The following AFAP1L2 variants were observed in gnomAD, a reference collection of about 807,000 sequenced individuals.
AFAP1L2 encodes actin filament associated protein 1 like 2, also known as actin filament-associated protein 1-like 2.
In AFAP1L2, 46 loss-of-function variants were observed where a neutral mutation model predicts 99.3. The ratio of observed to expected loss-of-function variants is 0.46; its 90% CI spans 0.37 to 0.59. The LOEUF (loss-of-function observed/expected upper bound fraction) is 0.59. AFAP1L2 is among the 20% of genes least tolerant of loss of function. The pLI is 0.00. For synonymous variants in AFAP1L2, 397 were observed against 419.1 expected, an observed-to-expected ratio of 0.95 and a Z score of 0.64; for missense variants, 959 against 1,034.9, an observed-to-expected ratio of 0.93 and a Z score of 1.01.
chr10:114,348,350 G>T (rs2049919253), intron 1 of AFAP1L2, among the ~76,000 whole-genome samples: 1 of 152,130 alleles, frequency 6.6e-6, no homozygotes, highest in Non-Finnish European at 1.5e-5. Flanking sequence ...ACCCGAGAAA[G>T]TTTCTTTGTG....
upstream of AFAP1L2, chr10:114,404,587 G>A (rs949438380): frequency 1.5e-6 from 2 of 1,300,300 alleles, no homozygotes; most frequent in South Asian, 1.9e-5. Flanking sequence ...TGGCGGGGCC[G>A]CCGCGCCCAG....
In AFAP1L2 at chr10:114,320,285, C is replaced by A. The variant is rs11196695; in HGVS notation, c.406+2886G>T. On this transcript the variant is annotated intron_variant, in intron 5 of 18. Transcript: ENST00000304129. ...GAGAGAGGGACATGACCCAGGGGAG[C>A]GGTGTGGGGATAGGGCTGATAGAGC... 1.5e-3 allele frequency among the ~76,000 whole-genome samples: 228 copies of A among 152,298 alleles called. 2 individuals are homozygous for A. Among genetic ancestry groups the A allele is most frequent in the African/African-American group, 5.1e-3 (213 of 41,570 alleles).
At chr10:114,286,238 G>C in the AFAP1L2 span, 1 of 1,613,194 alleles carries the variant, frequency 6.2e-7, no homozygotes, top group East Asian at 2.2e-5. Context: ...GGCAGAGCGT[G>C]GCTTCGGGAG....
intron 1 of AFAP1L2, 60 bp from the exon 2 acceptor site, chr10:114,340,791 G>A: frequency 6.2e-7 from 1 of 1,611,394 alleles, no homozygotes; most frequent in Non-Finnish European, 8.5e-7. Context: ...GCCCAGCTCA[G>A]ATACACCTCG....
intron 1 of AFAP1L2, among the ~76,000 whole-genome samples, chr10:114,375,711 C>T (rs1221210078): frequency 1.3e-5 from 2 of 152,298 alleles, no homozygotes; most frequent in Middle Eastern, 3.4e-3. Flanking sequence ...TCATAGCTCA[C>T]ACCTGTAATT....
intron 7 of AFAP1L2, 133 bp from the exon 8 acceptor site, chr10:114,310,576 G>A: frequency 1.3e-6 from 1 of 798,216 alleles, no homozygotes; most frequent in Non-Finnish European, 1.9e-6. Flanking sequence ...TTCCAAGGAA[G>A]AGGACCCACC....
intron 1 of AFAP1L2, among the ~76,000 whole-genome samples, chr10:114,349,602 A>G (rs1345689967): frequency 6.7e-6 from 1 of 150,046 alleles, no homozygotes; most frequent in Non-Finnish European, 1.5e-5. Flanking sequence ...AAGGGTCAAG[A>G]TGTCTCAAGA....
intron 17 of AFAP1L2, 40 bp downstream of exon 17, chr10:114,297,180 G>A: frequency 6.3e-7 from 1 of 1,592,574 alleles, no homozygotes; most frequent in Non-Finnish European, 8.6e-7. Flanking sequence ...TGTCCAGGGA[G>A]CCCTGCAAGC....
chr10:114,289,372 C>G, the AFAP1L2 span: 1 of 1,614,232 alleles, frequency 6.2e-7, no homozygotes, highest in Non-Finnish European at 8.5e-7. Context: ...GGGCGTGGGG[C>G]CTGTCCTAAG....
chr10:114,329,837 A>T (rs564056351), intron 4 of AFAP1L2, among the ~76,000 whole-genome samples: 39 of 152,346 alleles, frequency 2.6e-4, no homozygotes, highest in African/African-American at 9.4e-4. Context: ...ACCTGCATTT[A>T]AATCCTGGCC....
chr10:114,398,256 A>G (rs1347127040), intron 1 of AFAP1L2, among the ~76,000 whole-genome samples: 7 of 152,112 alleles, frequency 4.6e-5, no homozygotes, highest in Non-Finnish European at 1.5e-5. Flanking sequence ...ACATCAGAGA[A>G]AAGTCAGGCA....
rs1564880771 is a variant in AFAP1L2, at chr10:114,327,175, T to TACATATATATATATATATATA, written c.316-3915_316-3914insTATATATATATATATATATGT. Among the ~76,000 whole-genome samples the TACATATATATATATATATATA allele has an allele frequency of 3.6e-5, 2 of 55,626 alleles. 1 individual carries two copies. The highest frequency in any genetic ancestry group is 1.1e-4 in the Non-Finnish European group (2 of 19,004). The allele number at this position is 55,626 out of a possible 152,430, so 36.5% of individuals were successfully genotyped here. On this transcript the variant is annotated intron_variant, in intron 4 of 18. Transcript: ENST00000304129. Reference sequence around the variant, plus strand: ...TATATATATATATATATATATATATTTTTTTTTTAGGCAGAGTCTCACTGT... The same window carrying TACATATATATATATATATATA: ...TATATATATATATATATATATATATTACATATATATATATATATATATTTTTTTTAGGCAGAGTCTCACTGT...
chr10:114,286,130 G>A, the AFAP1L2 span: 1 of 1,614,106 alleles, frequency 6.2e-7, no homozygotes, highest in Non-Finnish European at 8.5e-7. Context: ...GGCGGTGCCT[G>A]TGGGGGAGTA....
chr10:114,402,748 G>A (rs1207065451), intron 1 of AFAP1L2, among the ~76,000 whole-genome samples: 1 of 152,168 alleles, frequency 6.6e-6, no homozygotes, highest in Non-Finnish European at 1.5e-5. Flanking sequence ...TGAGAATAAC[G>A]GGACATTTTG....
At chr10:114,289,535 C>T in the AFAP1L2 span, 1 of 1,603,584 alleles carries the variant, frequency 6.2e-7, no homozygotes, top group Non-Finnish European at 8.5e-7. Context: ...CATGGCAGGC[C>T]CTCAGCCTGA....
chr10:114,308,540 T>TG (rs768947909), intron 8 of AFAP1L2, 23 bp from the exon 9 acceptor site: 53 of 1,601,420 alleles, frequency 3.3e-5, no homozygotes, highest in Non-Finnish European at 4.4e-5. Context: ...GCGACATGAA[T>TG]GGGGATCACT....
At chr10:114,289,087 G>A in the AFAP1L2 span, 1 of 1,614,070 alleles carries the variant, frequency 6.2e-7, no homozygotes, top group East Asian at 2.2e-5. Context: ...CGGCCTGGTG[G>A]TGTATGGCAG....
intron 1 of AFAP1L2, among the ~76,000 whole-genome samples, chr10:114,344,765 T>C (rs2136025070): frequency 6.6e-6 from 1 of 152,256 alleles, no homozygotes; most frequent in South Asian, 2.1e-4. Flanking sequence ...CCTTGAGGAA[T>C]GCATAGGAGC....
At chr10:114,329,718 G>A (rs552223119) in intron 4 of AFAP1L2, among the ~76,000 whole-genome samples, 2 of 152,326 alleles carry the variant, frequency 1.3e-5, no homozygotes, top group East Asian at 1.9e-4. Context: ...AAAGTGAGGG[G>A]AGCCTGGCAC....
Sources: gnomAD v4.1 joint callset for allele counts (sites outside exome capture counted in the v4.1 genomes callset) on GRCh38, gnomAD v4.1.1 for gene constraint, MANE v1.5 for transcripts, NCBI Gene and HGNC (gene_info 2026-07-23, HGNC 2026-07-21) for gene names.